Variants in APPL2 observed in about 807,000 individuals in gnomAD.
APPL2 encodes DCC-interacting protein 13-beta.
APPL2 carries 84 observed loss-of-function variants against 92.7 expected under a neutral mutation model. The observed-to-expected ratio is 0.91, with a 90% CI of 0.76 to 1.09. The LOEUF is 1.09. Among genes scored for constraint, APPL2 ranks in the 50% least tolerant of loss-of-function variants. The pLI is 0.00. For missense variants in APPL2, 736 were observed against 824.5 expected, an observed-to-expected ratio of 0.89 and a Z score of 1.31; for synonymous variants, 291 against 291.0, an observed-to-expected ratio of 1.00 and a Z score of 0.00.
At chr12:105,184,619 C>T (rs1886419960) in intron 17 of APPL2, among the ~76,000 whole-genome samples, 1 of 152,214 alleles carries the variant, frequency 6.6e-6, no homozygotes, top group Non-Finnish European at 1.5e-5. Flanking sequence ...CTGCTCCTTC[C>T]TCTGGAAGCT....
rs560991655 is a variant in APPL2 at position 105,195,003 on chromosome 12, T to A, written c.1241+258A>T. On this transcript the variant is annotated intron_variant, in intron 14 of 20. Coordinates refer to ENST00000258530, the MANE Select transcript of APPL2 (RefSeq NM_018171.5). ...GGAGGACCCTCCATGCACGTCCTGT[T>A]TGCTTGGACTGCAGCAGCATGGTCC... is the stretch of plus-strand genomic sequence containing the variant. Among the ~76,000 whole-genome samples, 754 of 152,308 alleles carry A rather than the reference T, an allele frequency of 5.0e-3. 3 individuals are homozygous for A. The highest frequency in any genetic ancestry group is 0.017 in the African/African-American group (696 of 41,566).
intron 2 of APPL2, among the ~76,000 whole-genome samples, chr12:105,227,914 T>C (rs968770987): frequency 6.6e-6 from 1 of 152,202 alleles, no homozygotes; most frequent in African/African-American, 2.4e-5. Flanking sequence ...AAGTATTCAA[T>C]AAATCTCAAC....
intron 17 of APPL2, among the ~76,000 whole-genome samples, chr12:105,177,843 T>A (rs1592750244): frequency 6.6e-6 from 1 of 152,154 alleles, no homozygotes; most frequent in Non-Finnish European, 1.5e-5. Context: ...CAGGCTGGAG[T>A]GCAGCAGCCC....
At chr12:105,197,181 A>G (rs532015355) in intron 11 of APPL2, among the ~76,000 whole-genome samples, 2 of 152,260 alleles carry the variant, frequency 1.3e-5, no homozygotes, top group East Asian at 3.9e-4. Context: ...CACCACTCTG[A>G]GAGGGGATCC....
At chr12:105,209,095 G>C (rs541589063) in intron 5 of APPL2, among the ~76,000 whole-genome samples, 8 of 151,982 alleles carry the variant, frequency 5.3e-5, no homozygotes, top group Non-Finnish European at 8.8e-5. Flanking sequence ...TTTATTTCCT[G>C]TTGGAGTCAA....
chr12:105,215,679 T>C (rs1265164111), intron 4 of APPL2, among the ~76,000 whole-genome samples: 1 of 152,208 alleles, frequency 6.6e-6, no homozygotes, highest in Non-Finnish European at 1.5e-5. Context: ...GTCAGTTAAA[T>C]GGCATCTGCA....
chr12:105,223,873 C>A (rs1417885865), intron 2 of APPL2, among the ~76,000 whole-genome samples: 2 of 152,108 alleles, frequency 1.3e-5, no homozygotes, highest in Admixed American at 1.3e-4. Context: ...CACAAGAACC[C>A]TCTGAGGTGG....
intron 4 of APPL2, among the ~76,000 whole-genome samples, chr12:105,215,507 C>T (rs893542041): frequency 1.3e-5 from 2 of 152,092 alleles, no homozygotes. Flanking sequence ...CCTAGAACAG[C>T]GTCTGCTAAA....
chr12:105,199,458 A>T lies in APPL2; in HGVS notation c.778T>A (p.Ser260Thr), dbSNP rs1270384848. 1.2e-6 allele frequency: 2 copies of T among 1,614,142 alleles called. No individual in the cohort carries two copies. The highest frequency in any genetic ancestry group is 2.2e-5 in the East Asian group (1 of 44,886). The change falls in exon 10 of 21, where the codon TCT becomes ACT. Residue 260 changes from serine (S) to threonine (T), a missense_variant. Transcript: ENST00000258530. ...SQQELLSVDE[S>T]VYTPDSDVAA... is the part of the protein sequence containing the mutation. The stretch of plus-strand genomic sequence containing the variant: ...ACATCAGAGTCTGGAGTGTAAACAG[A>T]TTCATCAACAGAAAGTAATTCTTGC...
Position 105,195,452 on chromosome 12 carries a change from T to C in APPL2, c.1145A>G (p.Asn382Ser). The C allele has an allele frequency of 2.5e-6, 4 of 1,614,134 alleles. No homozygotes were observed. Among genetic ancestry groups the C allele is most frequent in the East Asian group, 2.2e-5 (1 of 44,874 alleles). Residue 382 changes from asparagine (N) to serine (S), a missense_variant, in exon 13 of 21, where the codon AAC becomes AGC. Asn to Ser is a conservative substitution (Grantham distance 46). Coordinates refer to ENST00000258530, the MANE Select transcript of APPL2 (RefSeq NM_018171.5). The stretch of plus-strand genomic sequence containing the variant: ...CCGGTGGCTGATAATTACCTCAGGG[T>C]TGTCGGTCAGGTAGATCTGTCTGGA... ...NISRQIYLTD[N>S]PEAVAIKLNQ... is the part of the protein sequence containing the mutation.
chr12:105,218,351 C>T (rs1889852084), intron 2 of APPL2, among the ~76,000 whole-genome samples: 1 of 152,148 alleles, frequency 6.6e-6, no homozygotes, highest in South Asian at 2.1e-4. Context: ...TTATAATGTG[C>T]CAGACATTCA....
chr12:105,186,344 A>T lies in APPL2; in HGVS notation c.1634+1929T>A, dbSNP rs115723812. 7.2e-3 allele frequency among the ~76,000 whole-genome samples: 1,102 copies of T among 152,236 alleles called. 18 individuals carry two copies. The highest frequency in any genetic ancestry group is 0.025 in the African/African-American group (1,021 of 41,546). ...AGCATTTGAGATTTCCAGATTTGGA[A>T]TGCTCAACTCTACCACATTTTGTTG... On this transcript the variant is annotated intron_variant, in intron 17 of 20. Coordinates refer to ENST00000258530, the MANE Select transcript of APPL2 (RefSeq NM_018171.5).
In APPL2 at chr12:105,173,758, C is replaced by CATCT. The variant is rs1398695934; in HGVS notation, c.*552_*555dup. On this transcript the variant is annotated 3_prime_UTR_variant, in exon 21 of 21. Coordinates refer to ENST00000258530, the MANE Select transcript of APPL2 (RefSeq NM_018171.5). ...TTACCGAAACTAGACCTGTATCGCG[C>CATCT]ATCTCTACTAGTGCTTGGGCCTCAA... is the stretch of plus-strand genomic sequence containing the variant. 1 of 152,286 alleles carries CATCT rather than the reference C, an allele frequency of 6.6e-6. No individual in the cohort carries two copies. The highest frequency in any genetic ancestry group is 2.4e-5 in the African/African-American group (1 of 41,440). The allele number at this position is 152,286 out of a possible 1,614,324, so 9.4% of individuals were successfully genotyped here.
intron 14 of APPL2, among the ~76,000 whole-genome samples, chr12:105,193,286 C>G (rs1358411605): frequency 6.6e-6 from 1 of 152,168 alleles, no homozygotes; most frequent in Admixed American, 6.5e-5. Flanking sequence ...TCCAAACCCC[C>G]CTAAACTATC....
chr12:105,191,433 TATA>T (rs888383896), intron 14 of APPL2, among the ~76,000 whole-genome samples: 1 of 152,146 alleles, frequency 6.6e-6, no homozygotes. Context: ...AGGGCTGTGA[TATA>T]ATAAGTGGTA....
chr12:105,184,120 G>A (rs779909148), intron 17 of APPL2, among the ~76,000 whole-genome samples: 93 of 152,246 alleles, frequency 6.1e-4, no homozygotes, highest in Middle Eastern at 3.4e-3. Context: ...GGTTATTTAT[G>A]TTCTTCTCTA....
At position 105,197,969 on chromosome 12, in the gene APPL2, TA is replaced by T. The variant is rs1887814818; in HGVS notation, c.864-17del. 1 of 1,611,350 alleles carries T rather than the reference TA, an allele frequency of 6.2e-7. No homozygotes were observed. Among genetic ancestry groups the T allele is most frequent in the African/African-American group, 1.3e-5 (1 of 74,838 alleles). ...CCCTGTTTTGCTGTGAGTTGTGTTT[TA>T]AAAAGCCCATTAGTACCAGAAAGCA... On this transcript the variant is annotated splice_polypyrimidine_tract_variant and intron_variant, in intron 10 of 20. Transcript: ENST00000258530.
intron 17 of APPL2, among the ~76,000 whole-genome samples, chr12:105,177,659 T>C (rs1885683844): frequency 1.3e-5 from 2 of 152,174 alleles, no homozygotes; most frequent in South Asian, 4.1e-4. Context: ...TTAGTCTAAA[T>C]TTAACATTAT....
chr12:105,203,113 A>G (rs1400380336), intron 9 of APPL2, among the ~76,000 whole-genome samples: 1 of 151,712 alleles, frequency 6.6e-6, no homozygotes, highest in African/African-American at 2.4e-5. Context: ...TGGGAAGCCC[A>G]TGCTGTGCTC....
Sources: gnomAD v4.1 joint callset for allele counts (sites outside exome capture counted in the v4.1 genomes callset) on GRCh38, gnomAD v4.1.1 for gene constraint, MANE v1.5 for transcripts, NCBI Gene and HGNC (gene_info 2026-07-23, HGNC 2026-07-21) for gene names.